BTNL8: variants seen among roughly 807,000 people sequenced by gnomAD.
BTNL8 encodes butyrophilin like 8, also known as butyrophilin-like protein 8.
BTNL8 carries 22 observed loss-of-function variants against 36.1 expected under a neutral mutation model. The observed-to-expected ratio is 0.61, with a 90% CI of 0.44 to 0.87. The LOEUF is 0.87. BTNL8 is among the 40% of genes least tolerant of loss of function. BTNL8 has a pLI of 0.00. For synonymous variants in BTNL8, 203 were observed against 235.6 expected, an observed-to-expected ratio of 0.86 and a Z score of 1.27; for missense variants, 526 against 616.9, an observed-to-expected ratio of 0.85 and a Z score of 1.56.
chr5:180,947,493 C>A lies in BTNL8; in HGVS notation c.674-19C>A. On this transcript the variant is annotated intron_variant, in intron 3 of 7. Coordinates refer to ENST00000340184, the MANE Select transcript of BTNL8 (RefSeq NM_001040462.3). ...TTTTGTTCACCAATAACTAAAATGT[C>A]TGTGGGATTGTTTTTCAGATACCTT... 2.5e-6 allele frequency: 4 copies of A among 1,610,830 alleles called. No individual in the cohort carries two copies. Among genetic ancestry groups the A allele is most frequent in the Non-Finnish European group, 2.5e-6 (3 of 1,177,220 alleles).
At chr5:180,931,848 A>C (rs956072349) in intron 3 of BTNL8, among the ~76,000 whole-genome samples, 8 of 152,324 alleles carry the variant, frequency 5.3e-5, no homozygotes, top group African/African-American at 1.7e-4. Context: ...GAAAGTTTTT[A>C]CACTATTGGT....
intron 3 of BTNL8, among the ~76,000 whole-genome samples, chr5:180,940,981 T>G (rs771984903): frequency 3.3e-5 from 5 of 151,878 alleles, no homozygotes; most frequent in Non-Finnish European, 7.4e-5. Context: ...TAGCCCCAAC[T>G]ACTCAGGAGG....
intron 3 of BTNL8, among the ~76,000 whole-genome samples, chr5:180,941,901 C>CT (rs999101994): frequency 6.6e-6 from 1 of 151,864 alleles, no homozygotes; most frequent in African/African-American, 2.4e-5. Context: ...AGGATGCCCA[C>CT]TTTTACTACT....
intron 3 of BTNL8, among the ~76,000 whole-genome samples, chr5:180,937,157 G>A (rs145893754): frequency 0.011 from 1,684 of 152,270 alleles, 16 homozygotes; most frequent in African/African-American, 0.027. Context: ...TGCATGCTAC[G>A]TGCATCGTCT....
intron 1 of BTNL8, 29 bp from the exon 2 acceptor site, chr5:180,908,557 T>TG: frequency 6.2e-7 from 1 of 1,605,926 alleles, no homozygotes; most frequent in Middle Eastern, 1.7e-4. Flanking sequence ...AGGGTTTTGA[T>TG]GATTTATCTT....
intron 1 of BTNL8, among the ~76,000 whole-genome samples, chr5:180,902,604 C>T (rs1322340756): frequency 2.7e-5 from 4 of 150,938 alleles, no homozygotes; most frequent in Non-Finnish European, 5.9e-5. Context: ...ATACATGTGC[C>T]ATGCTGGTGC....
intron 3 of BTNL8, 80 bp downstream of exon 3, chr5:180,911,694 G>A: frequency 1.5e-6 from 2 of 1,347,522 alleles, no homozygotes; most frequent in Non-Finnish European, 1.0e-6. Context: ...CTCCATCTTG[G>A]CATTGCTGTT....
At chr5:180,940,919 T>C (rs1201845691) in intron 3 of BTNL8, among the ~76,000 whole-genome samples, 1 of 151,184 alleles carries the variant, frequency 6.6e-6, no homozygotes, top group Non-Finnish European at 1.5e-5. Flanking sequence ...AAAACAACAA[T>C]AACAACAAAA....
At chr5:180,928,345 G>A (rs1451312929) in intron 3 of BTNL8, among the ~76,000 whole-genome samples, 1 of 152,134 alleles carries the variant, frequency 6.6e-6, no homozygotes, top group African/African-American at 2.4e-5. Flanking sequence ...CACTAAATAT[G>A]GAAAGGAAAA....
intron 3 of BTNL8, among the ~76,000 whole-genome samples, chr5:180,925,743 C>T (rs993569765): frequency 3.6e-4 from 54 of 152,100 alleles, no homozygotes; most frequent in African/African-American, 1.2e-3. Flanking sequence ...TAGTCATATT[C>T]AGAATTCTCT....
chr5:180,944,504 ACTAGAGGCTGGT>A (rs200035035), intron 3 of BTNL8, among the ~76,000 whole-genome samples: 1,994 of 152,288 alleles, frequency 0.013, 42 homozygotes, highest in African/African-American at 0.046. Context: ...AATAGTGGTT[ACTAGAGGCTGGT>A]AAGGGTAGAG....
intron 1 of BTNL8, among the ~76,000 whole-genome samples, chr5:180,901,527 G>A (rs566826020): frequency 1.3e-5 from 2 of 152,314 alleles, no homozygotes; most frequent in South Asian, 2.1e-4. Context: ...GGGGCTCACC[G>A]TTCACATGCA....
chr5:180,907,803 T>TG (rs1393061714), intron 1 of BTNL8, among the ~76,000 whole-genome samples: 1 of 151,656 alleles, frequency 6.6e-6, no homozygotes, highest in East Asian at 1.9e-4. Flanking sequence ...GTGCCCCTGC[T>TG]GGGGGGTGCC....
chr5:180,913,762 C>T (rs1399113630), intron 3 of BTNL8, among the ~76,000 whole-genome samples: 2 of 152,188 alleles, frequency 1.3e-5, no homozygotes, highest in Non-Finnish European at 2.9e-5. Flanking sequence ...AATCATGGCA[C>T]AGGCCCTCAG....
chr5:180,934,431 C>T (rs962423279), intron 3 of BTNL8, among the ~76,000 whole-genome samples: 6 of 152,216 alleles, frequency 3.9e-5, no homozygotes, highest in Admixed American at 2.6e-4. Flanking sequence ...GCCTTGCAGG[C>T]TGTGCTTGGC....
In BTNL8 at chr5:180,950,297, CCTT is replaced by C. The variant is rs759193395; in HGVS notation, c.1261_1263del (p.Phe421del). On this transcript the variant is annotated inframe_deletion, in exon 8 of 8. Transcript: ENST00000340184. ...CTGGACTATGAGTGTGGGACCATCTCCTTCTTCAACATAAATGACCAGTCCCTT... is the reference window on the plus strand; with the variant it reads ...CTGGACTATGAGTGTGGGACCATCTCCTTCAACATAAATGACCAGTCCCTT... The C allele has an allele frequency of 1.5e-5, 22 of 1,463,640 alleles. 5 individuals are homozygous for C. The South Asian group carries it at 2.0e-4, about 13-fold the overall frequency. The allele number at this position is 1,463,640 out of a possible 1,614,324, so 90.7% of individuals were successfully genotyped here.
chr5:180,908,367 G>A (rs1325518096), intron 1 of BTNL8, among the ~76,000 whole-genome samples: 1 of 152,146 alleles, frequency 6.6e-6, no homozygotes. Flanking sequence ...CCCTGCTTCG[G>A]CTCGTGCACG....
At chr5:180,905,819 C>A (rs199876723) in intron 1 of BTNL8, among the ~76,000 whole-genome samples, 3 of 151,120 alleles carry the variant, frequency 2.0e-5, no homozygotes, top group Non-Finnish European at 4.4e-5. Context: ...TGTTCAGTTT[C>A]CATGTAGTTG....
intron 5 of BTNL8, 151 bp from the exon 6 acceptor site, chr5:180,948,769 T>C (rs915568071): frequency 2.1e-6 from 1 of 477,356 alleles, no homozygotes; most frequent in African/African-American, 2.7e-5. Context: ...TATCAACCAC[T>C]AAATAGTCTG....
Sources: gnomAD v4.1 joint callset for allele counts (sites outside exome capture counted in the v4.1 genomes callset) on GRCh38, gnomAD v4.1.1 for gene constraint, MANE v1.5 for transcripts, NCBI Gene and HGNC (gene_info 2026-07-23, HGNC 2026-07-21) for gene names.